Variants in SAMD3 observed in about 807,000 individuals in gnomAD.
SAMD3 encodes the protein sterile alpha motif domain-containing protein 3.
A neutral mutation model predicts 58.5 loss-of-function variants in SAMD3; 63 were observed. The ratio of observed to expected loss-of-function variants is 1.08; its 90% confidence interval spans 0.88 to 1.33. The LOEUF (loss-of-function observed/expected upper bound fraction) is 1.33. Among genes scored for constraint, SAMD3 ranks in the 40% most tolerant of loss-of-function variants. The pLI, the probability that SAMD3 is intolerant of heterozygous loss-of-function variation, is 0.00. For synonymous variants in SAMD3, 220 were observed against 210.3 expected, an observed-to-expected ratio of 1.05 and a Z score of -0.40; for missense variants, 604 against 608.4, an observed-to-expected ratio of 0.99 and a Z score of 0.08.
chr6:130,226,649 A>G (rs544270209), upstream of SAMD3, among the ~76,000 whole-genome samples: 43 of 152,318 alleles, frequency 2.8e-4, no homozygotes, highest in African/African-American at 9.9e-4. Context: ...CAACATGGTG[A>G]AACCCCGTCT....
At chr6:130,240,990 G>T (rs2114894126) in intron 2 of SAMD3, among the ~76,000 whole-genome samples, 1 of 152,114 alleles carries the variant, frequency 6.6e-6, no homozygotes, top group South Asian at 2.1e-4. Flanking sequence ...TCAGTATCTT[G>T]GAGGCACACT....
At chr6:130,202,640 A>T (rs1441008423) in intron 5 of SAMD3, among the ~76,000 whole-genome samples, 1 of 152,248 alleles carries the variant, frequency 6.6e-6, no homozygotes, top group East Asian at 1.9e-4. Flanking sequence ...CCTGGGTTAA[A>T]CAAAGTTAAG....
intron 5 of SAMD3, among the ~76,000 whole-genome samples, chr6:130,199,613 C>G (rs746941387): frequency 3.3e-5 from 5 of 152,198 alleles, no homozygotes; most frequent in Non-Finnish European, 5.9e-5. Context: ...GAATTACCTT[C>G]TTTATCTTGG....
chr6:130,147,724 CAT>C (rs1197395321), intron 9 of SAMD3, among the ~76,000 whole-genome samples: 1 of 152,192 alleles, frequency 6.6e-6, no homozygotes, highest in East Asian at 1.9e-4. Context: ...TTGTTCCAGT[CAT>C]ATTCTTAACA....
intron 8 of SAMD3, among the ~76,000 whole-genome samples, chr6:130,172,911 T>C (rs528734947): frequency 1.2e-4 from 19 of 152,378 alleles, no homozygotes; most frequent in African/African-American, 4.3e-4. Flanking sequence ...TTCATTTTCA[T>C]TCTTTTTTCT....
At chr6:130,331,461 A>C (rs1439895788) in intron 1 of SAMD3, among the ~76,000 whole-genome samples, 1 of 152,180 alleles carries the variant, frequency 6.6e-6, no homozygotes, top group Non-Finnish European at 1.5e-5. Context: ...AGTGGCTCAC[A>C]TCTGTAATCC....
chr6:130,258,854 T>C (rs945497442), intron 2 of SAMD3, among the ~76,000 whole-genome samples: 1 of 152,220 alleles, frequency 6.6e-6, no homozygotes, highest in African/African-American at 2.4e-5. Flanking sequence ...CAAATTTCTT[T>C]AAAATTTGGG....
chr6:130,324,605 T>C (rs530184567), intron 1 of SAMD3, among the ~76,000 whole-genome samples: 1 of 152,318 alleles, frequency 6.6e-6, no homozygotes, highest in African/African-American at 2.4e-5. Flanking sequence ...GTTATTTCTC[T>C]TTTCTTAAAG....
chr6:130,180,921 ACTTTT>A (rs1029433220), intron 7 of SAMD3, among the ~76,000 whole-genome samples: 4 of 145,228 alleles, frequency 2.8e-5, no homozygotes, highest in South Asian at 2.2e-4. Context: ...CAGATTTGAA[ACTTTT>A]CTTTTCTTTT....
At chr6:130,198,363 C>T (rs1199491715) in intron 5 of SAMD3, among the ~76,000 whole-genome samples, 1 of 152,122 alleles carries the variant, frequency 6.6e-6, no homozygotes, top group Non-Finnish European at 1.5e-5. Context: ...CATCACCACA[C>T]CCAGCTAATT....
chr6:130,162,278 G>A (rs1161439606), intron 8 of SAMD3: 2 of 701,574 alleles, frequency 2.9e-6, no homozygotes, highest in Non-Finnish European at 5.2e-6. Flanking sequence ...GCTGACAGCT[G>A]GAGCAGAAAT....
intron 2 of SAMD3, among the ~76,000 whole-genome samples, chr6:130,241,103 C>T (rs1432749560): frequency 6.6e-6 from 1 of 152,012 alleles, no homozygotes; most frequent in Non-Finnish European, 1.5e-5. Flanking sequence ...CAGTCAGACT[C>T]TCTTTGCCAG....
chr6:130,169,986 T>C (rs1363026062), intron 8 of SAMD3, among the ~76,000 whole-genome samples: 1 of 144,940 alleles, frequency 6.9e-6, no homozygotes, highest in Admixed American at 6.6e-5. Context: ...ATCAAATGTT[T>C]GAGAAAAGTA....
intron 2 of SAMD3, among the ~76,000 whole-genome samples, chr6:130,300,192 A>G (rs2127020): frequency 0.17 from 25,668 of 152,166 alleles, 2,426 homozygotes; most frequent in East Asian, 0.36. Flanking sequence ...GATAAACACA[A>G]ACACAAAAAT....
intron 2 of SAMD3, among the ~76,000 whole-genome samples, chr6:130,290,141 G>A (rs1412844878): frequency 6.6e-6 from 1 of 150,426 alleles, no homozygotes; most frequent in East Asian, 2.0e-4. Context: ...GTTCTCCACA[G>A]AAGCAAAACC....
chr6:130,271,612 C>T (rs775058932), intron 2 of SAMD3, among the ~76,000 whole-genome samples: 2 of 151,980 alleles, frequency 1.3e-5, no homozygotes, highest in African/African-American at 2.4e-5. Context: ...TTGTTATTTG[C>T]GTTTGACTTT....
chr6:130,146,281 G>T (rs532453266), intron 9 of SAMD3, 100 bp from the exon 10 acceptor site: 2 of 637,970 alleles, frequency 3.1e-6, no homozygotes, highest in African/African-American at 3.7e-5. Flanking sequence ...TTGAATGCTG[G>T]TTTACACTAA....
At chr6:130,182,309 T>C (rs1792428868) in intron 7 of SAMD3, among the ~76,000 whole-genome samples, 1 of 152,158 alleles carries the variant, frequency 6.6e-6, no homozygotes, top group Non-Finnish European at 1.5e-5. Context: ...GTGCACTTTA[T>C]ATGCAGCAGC....
chr6:130,162,179 G>T (rs565299120), intron 8 of SAMD3: 1 of 685,268 alleles, frequency 1.5e-6, no homozygotes, highest in Admixed American at 2.1e-5. Context: ...CATAGAGTGT[G>T]GTCTCTCTAC....
Sources: gnomAD v4.1 joint callset for allele counts (sites outside exome capture counted in the v4.1 genomes callset) on GRCh38, gnomAD v4.1.1 for gene constraint, MANE v1.5 for transcripts, NCBI Gene and HGNC (gene_info 2026-07-23, HGNC 2026-07-21) for gene names.